Variants in SLC19A2 observed in about 807,000 individuals in gnomAD.
SLC19A2 encodes solute carrier family 19 member 2.
A neutral mutation model predicts 44.7 loss-of-function variants in SLC19A2; 27 were observed. The ratio of observed to expected loss-of-function variants is 0.60; its 90% CI spans 0.45 to 0.83. SLC19A2 has a LOEUF of 0.83. SLC19A2 is among the 40% of genes least tolerant of loss of function. SLC19A2 has a pLI of 0.00. For synonymous variants in SLC19A2, 239 were observed against 243.6 expected (o/e 0.98, Z 0.18); for missense variants, 566 against 613.7 (o/e 0.92, Z 0.82).
intron 1 of SLC19A2, among the ~76,000 whole-genome samples, 161 bp downstream of exon 1, chr1:169,485,402 A>G (rs1053428384): frequency 3.3e-5 from 5 of 152,224 alleles, no homozygotes; most frequent in Admixed American, 2.6e-4. Context: ...AAAACAGAAA[A>G]TCATGAACAC....
In SLC19A2 at chr1:169,473,372, T is replaced by C. The variant is rs544032306; in HGVS notation, c.808-3186A>G. 4.6e-5 allele frequency among the ~76,000 whole-genome samples: 7 copies of C among 151,962 alleles called. No homozygotes were observed. The South Asian group carries it at 1.5e-3, about 32-fold the overall frequency. On this transcript the variant is annotated intron_variant, in intron 2 of 5. Coordinates refer to ENST00000236137, the MANE Select transcript of SLC19A2 (RefSeq NM_006996.3). ...GCCTCAGCCTCCCAAGTAGCTGGGA[T>C]TACAGGCATGCACCACCACGCCCAG... is the stretch of plus-strand genomic sequence containing the variant.
chr1:169,476,447 G>A (rs143178800), intron 2 of SLC19A2, among the ~76,000 whole-genome samples: 54 of 152,280 alleles, frequency 3.5e-4, no homozygotes, highest in African/African-American at 1.1e-3. Flanking sequence ...GACTGGGTGC[G>A]GTGGCTCACG....
chr1:169,484,580 G>T (rs763294401), intron 1 of SLC19A2, among the ~76,000 whole-genome samples: 3 of 152,100 alleles, frequency 2.0e-5, no homozygotes, highest in Non-Finnish European at 2.9e-5. Context: ...GTGTTGAATC[G>T]GCTTTATTTC....
Position 169,485,554 on chromosome 1 carries a change from C to T in SLC19A2, c.204+9G>A. 6.3e-7 allele frequency: 1 copy of T among 1,579,800 alleles called. No homozygotes were observed. Among genetic ancestry groups the T allele is most frequent in the African/African-American group, 1.4e-5 (1 of 74,070 alleles). On this transcript the variant is annotated intron_variant, in intron 1 of 5. Transcript: ENST00000236137. Reference sequence around the variant, plus strand: ...CGCCCTTCCCGCGCCCCGCGTCCGCCGCGCGTACCTCCCTCTCGGTCAGGT... The same window carrying T: ...CGCCCTTCCCGCGCCCCGCGTCCGCTGCGCGTACCTCCCTCTCGGTCAGGT...
chr1:169,471,690 GT>G (rs1658185633), intron 2 of SLC19A2, among the ~76,000 whole-genome samples: 1 of 145,842 alleles, frequency 6.9e-6, no homozygotes, highest in African/African-American at 2.5e-5. Context: ...GTGTGTGTGT[GT>G]GTGTGTGTAT....
chr1:169,463,982 GAAT>G lies in SLC19A2; in HGVS notation c.*1864_*1866del, dbSNP rs1657928382. ...ATAATTTTATAATCTATACAGAATT[GAAT>G]AAAAAGTACAACAAATTATTTTCAC... On this transcript the variant is annotated 3_prime_UTR_variant, in exon 6 of 6. Coordinates refer to ENST00000236137, the MANE Select transcript of SLC19A2 (RefSeq NM_006996.3). 2 of 152,084 alleles carry G rather than the reference GAAT, an allele frequency of 1.3e-5. No homozygotes were observed. Among genetic ancestry groups the G allele is most frequent in the African/African-American group, 2.4e-5 (1 of 41,324 alleles). The allele number at this position is 152,084 out of a possible 1,614,324, so 9.4% of individuals were successfully genotyped here.
At chr1:169,484,371 G>T (rs1214806780) in intron 1 of SLC19A2, among the ~76,000 whole-genome samples, 1 of 152,162 alleles carries the variant, frequency 6.6e-6, no homozygotes, top group Non-Finnish European at 1.5e-5. Flanking sequence ...CTACTCAAAA[G>T]AAGTGACTGA....
At chr1:169,477,847 T>C (rs892938763) in intron 1 of SLC19A2, 90 bp from the exon 2 acceptor site, 1 of 1,272,738 alleles carries the variant, frequency 7.9e-7, no homozygotes, top group Non-Finnish European at 1.1e-6. Flanking sequence ...AAAAACAACC[T>C]ACAAATACCT....
At chr1:169,479,519 C>T (rs1005416217) in intron 1 of SLC19A2, among the ~76,000 whole-genome samples, 3 of 152,152 alleles carry the variant, frequency 2.0e-5, no homozygotes, top group Admixed American at 6.5e-5. Context: ...CAGTAAAGGG[C>T]GGTTGTTTGT....
intron 1 of SLC19A2, among the ~76,000 whole-genome samples, chr1:169,477,981 A>C (rs1299351870): frequency 6.6e-6 from 1 of 152,122 alleles, no homozygotes; most frequent in African/African-American, 2.4e-5. Context: ...ATCTTGGCTC[A>C]CTGCAACCTC....
In SLC19A2 at chr1:169,485,890, G is replaced by T. The variant is rs1332669329; in HGVS notation, c.-124C>A. On this transcript the variant is annotated 5_prime_UTR_variant, in exon 1 of 6. Transcript: ENST00000236137. ...CTCCCTGTAAGGCCAGGACGTTCTG[G>T]ACTCGCCGCCGCCTCCGGCTACAGA... The T allele has an allele frequency of 1.7e-6, 2 of 1,148,240 alleles. No individual in the cohort carries two copies. Among genetic ancestry groups the T allele is most frequent in the Non-Finnish European group, 2.4e-6 (2 of 836,598 alleles). 71.1% of individuals were successfully genotyped at this position (1,148,240 alleles called of 1,614,324 possible).
At chr1:169,478,407 G>A (rs1658376180) in intron 1 of SLC19A2, among the ~76,000 whole-genome samples, 1 of 149,482 alleles carries the variant, frequency 6.7e-6, no homozygotes, top group Admixed American at 6.7e-5. Context: ...AGGCTGGAAT[G>A]CAGTGGCAGA....
chr1:169,470,401 G>C (rs1303026541), intron 2 of SLC19A2, among the ~76,000 whole-genome samples: 2 of 152,156 alleles, frequency 1.3e-5, no homozygotes, highest in African/African-American at 4.8e-5. Context: ...TAACACAGCT[G>C]TATGTAATCA....
At chr1:169,472,756 A>G (rs1658219059) in intron 2 of SLC19A2, among the ~76,000 whole-genome samples, 1 of 152,254 alleles carries the variant, frequency 6.6e-6, no homozygotes, top group Non-Finnish European at 1.5e-5. Context: ...ACCTCGTGCT[A>G]TAATCTGCAG....
intron 5 of SLC19A2, among the ~76,000 whole-genome samples, chr1:169,467,328 C>T (rs1658015327): frequency 6.6e-6 from 1 of 152,202 alleles, no homozygotes; most frequent in Non-Finnish European, 1.5e-5. Flanking sequence ...AGCAACCCTA[C>T]AAATCCTATA....
At chr1:169,467,612 G>A (rs1336736728) in intron 5 of SLC19A2, among the ~76,000 whole-genome samples, 1 of 152,150 alleles carries the variant, frequency 6.6e-6, no homozygotes, top group Non-Finnish European at 1.5e-5. Context: ...TTGTTGTTGG[G>A]TGTTGGTGCA....
chr1:169,477,834 A>G, intron 1 of SLC19A2, 77 bp from the exon 2 acceptor site: 1 of 1,435,876 alleles, frequency 7.0e-7, no homozygotes, highest in Non-Finnish European at 9.4e-7. Context: ...GAATTTATTC[A>G]TAAAAAACAA....
chr1:169,470,223 G>T (rs755035711), intron 2 of SLC19A2, 37 bp from the exon 3 acceptor site: 3 of 1,576,140 alleles, frequency 1.9e-6, no homozygotes, highest in Non-Finnish European at 1.7e-6. Flanking sequence ...AAACTCTGAT[G>T]AAGGCAATTA....
chr1:169,468,723 T>C lies in SLC19A2; in HGVS notation c.1144A>G (p.Thr382Ala). 6.2e-7 allele frequency: 1 copy of C among 1,613,876 alleles called. No individual in the cohort carries two copies. Among genetic ancestry groups the C allele is most frequent in the Non-Finnish European group, 8.5e-7 (1 of 1,179,834 alleles). ...LIAAAVYIMDTVGNIWVCYAS... is the reference protein window; with the variant it reads ...LIAAAVYIMDAVGNIWVCYAS... ...TAGCACACCCAAATGTTACCCACAG[T>C]GTCCATGATATACACTGCAGCAGCA... Residue 382 changes from threonine (T) to alanine (A), a missense_variant, in exon 4 of 6, where the codon ACT (threonine) becomes GCT (alanine). Transcript: ENST00000236137.
Sources: allele counts gnomAD v4.1 joint callset (sites outside exome capture counted in the v4.1 genomes callset), GRCh38; gene constraint gnomAD v4.1.1; transcripts MANE v1.5; gene names NCBI Gene and HGNC (gene_info 2026-07-23, HGNC 2026-07-21).